The following AGMO variants were observed in gnomAD, a reference collection of about 807,000 sequenced individuals.
AGMO encodes glyceryl-ether monooxygenase.
In AGMO, 75 loss-of-function variants were observed where a neutral mutation model predicts 60.2. The ratio of observed to expected loss-of-function variants is 1.25; its 90% confidence interval spans 1.03 to 1.51. The LOEUF is 1.51. Among genes scored for constraint, AGMO ranks in the 40% most tolerant of loss-of-function variants. The pLI is 0.00. For synonymous variants in AGMO, 261 were observed against 177.1 expected (o/e 1.47, Z -3.76); for missense variants, 763 against 525.5 (o/e 1.45, Z -4.42).
intron 3 of AGMO, among the ~76,000 whole-genome samples, chr7:15,478,140 T>G (rs1313668257): frequency 6.6e-6 from 1 of 152,156 alleles, no homozygotes; most frequent in Non-Finnish European, 1.5e-5. Flanking sequence ...TGGATGACTT[T>G]AATACTTATG....
intron 3 of AGMO, among the ~76,000 whole-genome samples, chr7:15,541,132 T>A (rs1021950264): frequency 6.6e-6 from 1 of 151,708 alleles, no homozygotes; most frequent in African/African-American, 2.4e-5. Context: ...TTTTTGTGGG[T>A]TTTTTTTGAG....
At chr7:15,130,162 G>GCT in the AGMO span, among the ~76,000 whole-genome samples, 1 of 151,860 alleles carries the variant, frequency 6.6e-6, no homozygotes, top group African/African-American at 2.4e-5. Context: ...ATTTAAAATT[G>GCT]CTCTCTGTCC....
chr7:15,497,242 G>C (rs1438628269), intron 3 of AGMO, among the ~76,000 whole-genome samples: 1 of 152,058 alleles, frequency 6.6e-6, no homozygotes, highest in East Asian at 1.9e-4. Context: ...GAGTCAGATA[G>C]GTTATATATT....
At chr7:15,122,792 G>GTCTA in the AGMO span, among the ~76,000 whole-genome samples, 1 of 152,034 alleles carries the variant, frequency 6.6e-6, no homozygotes, top group Non-Finnish European at 1.5e-5. Flanking sequence ...CCACTACCAT[G>GTCTA]TCTATTATGA....
intron 12 of AGMO, among the ~76,000 whole-genome samples, chr7:15,327,635 G>A (rs1781380232): frequency 6.6e-6 from 1 of 151,892 alleles, no homozygotes; most frequent in Non-Finnish European, 1.5e-5. Context: ...AAACGACAAT[G>A]GGAGACTATA....
At chr7:15,536,283 G>A (rs1784481919) in intron 3 of AGMO, among the ~76,000 whole-genome samples, 1 of 151,706 alleles carries the variant, frequency 6.6e-6, no homozygotes, top group Non-Finnish European at 1.5e-5. Context: ...TTGAACTCAG[G>A]GAACTTGGCT....
chr7:15,371,951 A>C (rs1437929562), intron 10 of AGMO, among the ~76,000 whole-genome samples: 1 of 152,068 alleles, frequency 6.6e-6, no homozygotes, highest in African/African-American at 2.4e-5. Context: ...TTTAAATATT[A>C]AGTACCTTAA....
intron 12 of AGMO, among the ~76,000 whole-genome samples, chr7:15,338,748 T>C (rs1193501981): frequency 6.6e-6 from 1 of 152,186 alleles, no homozygotes; most frequent in African/African-American, 2.4e-5. Flanking sequence ...TTTAACCTCT[T>C]GTAACTACTG....
intron 12 of AGMO, chr7:15,358,593 T>TA: frequency 2.9e-6 from 1 of 339,392 alleles, no homozygotes; most frequent in South Asian, 2.4e-5. Context: ...CTCCCCAAGA[T>TA]AAAAAGACCT....
At position 15,451,402 on chromosome 7, in the gene AGMO, A is replaced by G. The variant is rs573670981; in HGVS notation, c.410-20294T>C. On this transcript the variant is annotated intron_variant, in intron 3 of 12. Transcript: ENST00000342526. ...AGTGCCTCAGACTAGTTGGGCTGCT[A>G]TAACAAAATACTTTAAACTGGATAA... is the stretch of plus-strand genomic sequence containing the variant. Among the ~76,000 whole-genome samples the G allele has an allele frequency of 3.3e-5, 5 of 152,312 alleles. No homozygotes were observed. The East Asian group carries it at 9.7e-4, about 29-fold the overall frequency.
chr7:15,143,486 G>A, the AGMO span, among the ~76,000 whole-genome samples: 15 of 152,162 alleles, frequency 9.9e-5, no homozygotes, highest in African/African-American at 3.1e-4. Context: ...CTAACTAACT[G>A]AACATGCAGA....
chr7:15,498,721 T>C (rs189039275), intron 3 of AGMO, among the ~76,000 whole-genome samples: 1 of 152,082 alleles, frequency 6.6e-6, no homozygotes, highest in East Asian at 1.9e-4. Context: ...TTACTACAAG[T>C]GTCTAATTTA....
intron 12 of AGMO, among the ~76,000 whole-genome samples, chr7:15,244,407 G>A (rs7812160): frequency 0.65 from 98,580 of 151,882 alleles, 32,756 homozygotes; most frequent in African/African-American, 0.78. Context: ...TTTATCTCAC[G>A]TCTGACTTTG....
intron 12 of AGMO, among the ~76,000 whole-genome samples, chr7:15,268,109 C>G (rs1221352975): frequency 1.3e-5 from 2 of 151,890 alleles, no homozygotes; most frequent in Non-Finnish European, 2.9e-5. Context: ...AATTCTGAAT[C>G]TGTAATTGAT....
At chr7:15,337,054 T>C (rs1389304628) in intron 12 of AGMO, among the ~76,000 whole-genome samples, 6 of 152,148 alleles carry the variant, frequency 3.9e-5, no homozygotes, top group Admixed American at 6.5e-5. Flanking sequence ...GCCATCAAAT[T>C]TTCTTGAAAG....
chr7:15,385,425 C>A, intron 10 of AGMO, 21 bp downstream of exon 10: 1 of 1,430,374 alleles, frequency 7.0e-7, no homozygotes, highest in Non-Finnish European at 9.8e-7. Context: ...TCTCACACTA[C>A]TTAAAATGGA....
At chr7:15,336,290 T>C (rs1355610842) in intron 12 of AGMO, among the ~76,000 whole-genome samples, 1 of 150,294 alleles carries the variant, frequency 6.7e-6, no homozygotes, top group African/African-American at 2.4e-5. Flanking sequence ...TCCACCCAGT[T>C]CTTTTGTTTA....
chr7:15,301,828 A>T (rs1174971114), intron 12 of AGMO, among the ~76,000 whole-genome samples: 1 of 152,122 alleles, frequency 6.6e-6, no homozygotes, highest in Non-Finnish European at 1.5e-5. Flanking sequence ...AATTTTTAAC[A>T]GCTGAATAAT....
chr7:15,557,349 G>T (rs954548118), intron 2 of AGMO, among the ~76,000 whole-genome samples: 6 of 152,038 alleles, frequency 3.9e-5, no homozygotes, highest in Non-Finnish European at 7.4e-5. Flanking sequence ...TTTGAAGGAC[G>T]TGGCAAGCCC....
Sources: gnomAD v4.1 joint callset for allele counts (sites outside exome capture counted in the v4.1 genomes callset) on GRCh38, gnomAD v4.1.1 for gene constraint, MANE v1.5 for transcripts, NCBI Gene and HGNC (gene_info 2026-07-23, HGNC 2026-07-21) for gene names.